Variants in THSD7B observed in about 807,000 individuals in gnomAD.
THSD7B encodes thrombospondin type 1 domain containing 7B, also known as thrombospondin type-1 domain-containing protein 7B.
THSD7B carries 138 observed loss-of-function variants against 213.6 expected under a neutral mutation model. That is an observed-to-expected ratio of 0.65 (90% confidence interval 0.56 to 0.74). The LOEUF (loss-of-function observed/expected upper bound fraction) is 0.74. Ranked by LOEUF, THSD7B falls within the 30% of genes least tolerant of loss-of-function variation. The pLI is 0.00. For missense variants in THSD7B, 1,931 were observed against 1,991.5 expected, an observed-to-expected ratio of 0.97 and a Z score of 0.58; for synonymous variants, 742 against 687.0, an observed-to-expected ratio of 1.08 and a Z score of -1.25.
chr2:136,927,544 CA>C (rs1684560563), intron 2 of THSD7B, among the ~76,000 whole-genome samples: 1 of 152,134 alleles, frequency 6.6e-6, no homozygotes, highest in African/African-American at 2.4e-5. Flanking sequence ...CAATGTTGAA[CA>C]GATAAGGTCA....
At chr2:136,855,175 A>C (rs576626274) in intron 1 of THSD7B, among the ~76,000 whole-genome samples, 1 of 151,986 alleles carries the variant, frequency 6.6e-6, no homozygotes, top group African/African-American at 2.4e-5. Flanking sequence ...TTATGTATGC[A>C]TTTTTTTGAC....
chr2:136,776,772 G>A (rs1414453580), intron 1 of THSD7B, among the ~76,000 whole-genome samples: 3 of 152,182 alleles, frequency 2.0e-5, no homozygotes, highest in African/African-American at 4.8e-5. Context: ...TGAAGACTTA[G>A]GAAGGGGAAC....
At chr2:137,063,526 T>C (rs1452643189) in intron 3 of THSD7B, among the ~76,000 whole-genome samples, 3 of 152,180 alleles carry the variant, frequency 2.0e-5, no homozygotes, top group African/African-American at 7.2e-5. Context: ...CTTTGTGTTA[T>C]AAACAATCCA....
chr2:136,869,358 G>T lies in THSD7B; in HGVS notation c.-35-12786G>T, dbSNP rs532258062. 5.9e-5 allele frequency among the ~76,000 whole-genome samples: 9 copies of T among 152,268 alleles called. No individual in the cohort carries two copies. The East Asian group carries it at 1.7e-3, about 29-fold the overall frequency. The stretch of plus-strand genomic sequence containing the variant: ...TCCCTGTGCAAAACTTAATTTAAAT[G>T]CTATTTAAGAGATAACCTACTGCTG... On this transcript the variant is annotated intron_variant, in intron 1 of 27. Transcript: ENST00000409968.
At chr2:136,866,492 A>T (rs2104977094) in intron 1 of THSD7B, among the ~76,000 whole-genome samples, 1 of 152,236 alleles carries the variant, frequency 6.6e-6, no homozygotes, top group African/African-American at 2.4e-5. Flanking sequence ...AACTTCCTGA[A>T]ATTCACTCTT....
chr2:137,143,005 G>A (rs1042060770), intron 5 of THSD7B, among the ~76,000 whole-genome samples: 1 of 152,004 alleles, frequency 6.6e-6, no homozygotes, highest in Non-Finnish European at 1.5e-5. Flanking sequence ...GTTTTGGGAA[G>A]ATAAAAAGTC....
At chr2:137,296,281 C>T (rs1683461836) in intron 12 of THSD7B, among the ~76,000 whole-genome samples, 1 of 152,130 alleles carries the variant, frequency 6.6e-6, no homozygotes, top group African/African-American at 2.4e-5. Flanking sequence ...TTCAGCTTAA[C>T]TCTTACTGCA....
chr2:137,092,858 G>C (rs904608344), intron 3 of THSD7B, among the ~76,000 whole-genome samples: 2 of 152,118 alleles, frequency 1.3e-5, no homozygotes, highest in African/African-American at 4.8e-5. Flanking sequence ...GGCTGGTCTC[G>C]AACTCCTGAC....
chr2:137,555,945 G>C (rs6430730), intron 15 of THSD7B, among the ~76,000 whole-genome samples: 71,323 of 152,004 alleles, frequency 0.47, 17,156 homozygotes, highest in South Asian at 0.66. Context: ...GGGTATCAGT[G>C]ATTGAAGATC....
chr2:137,041,388 A>T (rs1337233405), intron 2 of THSD7B, among the ~76,000 whole-genome samples: 1 of 152,130 alleles, frequency 6.6e-6, no homozygotes, highest in Non-Finnish European at 1.5e-5. Flanking sequence ...CTATTAAAGT[A>T]TACTAACAAA....
intron 2 of THSD7B, among the ~76,000 whole-genome samples, chr2:137,049,245 G>A (rs990696843): frequency 3.9e-5 from 6 of 152,046 alleles, no homozygotes; most frequent in Admixed American, 1.3e-4. Context: ...CGGGGCCTTC[G>A]GCCCCACACA....
intron 7 of THSD7B, among the ~76,000 whole-genome samples, chr2:137,223,262 C>T (rs181020174): frequency 5.1e-4 from 78 of 152,234 alleles, no homozygotes; most frequent in African/African-American, 1.8e-3. Context: ...CCTAGAAATT[C>T]GCAGTGGCTG....
At chr2:136,868,226 G>A (rs1442834479) in intron 1 of THSD7B, among the ~76,000 whole-genome samples, 2 of 151,964 alleles carry the variant, frequency 1.3e-5, no homozygotes, top group East Asian at 1.9e-4. Flanking sequence ...AATTTATACA[G>A]GGAAAAAAGA....
At chr2:137,390,023 G>T (rs897361052) in intron 12 of THSD7B, among the ~76,000 whole-genome samples, 1 of 152,062 alleles carries the variant, frequency 6.6e-6, no homozygotes, top group Admixed American at 6.6e-5. Flanking sequence ...GATTGGTTCA[G>T]CTAAACTGGC....
In THSD7B at chr2:137,553,806, A is replaced by G. The variant is rs372275599; in HGVS notation, c.3139-9415A>G. ...CCATGCAGCAACACATTTCCATTAT[A>G]AAACTATAATAAGCACCAACTAAAC... is the stretch of plus-strand genomic sequence containing the variant. On this transcript the variant is annotated intron_variant, in intron 15 of 27. Transcript: ENST00000409968. Among the ~76,000 whole-genome samples the G allele has an allele frequency of 4.6e-5, 7 of 152,352 alleles. No individual in the cohort carries two copies. The East Asian group carries it at 5.8e-4, about 13-fold the overall frequency.
intron 15 of THSD7B, among the ~76,000 whole-genome samples, chr2:137,474,034 A>G (rs1019691058): frequency 4.6e-5 from 7 of 152,184 alleles, no homozygotes; most frequent in African/African-American, 1.7e-4. Flanking sequence ...AAAGAAGGCT[A>G]CCTAATCCCT....
At chr2:136,939,450 A>G (rs1165346353) in intron 2 of THSD7B, among the ~76,000 whole-genome samples, 1 of 151,932 alleles carries the variant, frequency 6.6e-6, no homozygotes, top group Non-Finnish European at 1.5e-5. Flanking sequence ...AATTCCATTC[A>G]CTTTTACCTA....
At chr2:137,550,836 T>A (rs1206683649) in intron 15 of THSD7B, among the ~76,000 whole-genome samples, 2 of 151,912 alleles carry the variant, frequency 1.3e-5, no homozygotes, top group South Asian at 2.1e-4. Flanking sequence ...AGGGAAAGGG[T>A]TAAGTGCTTT....
At chr2:137,200,943 A>G (rs1680863390) in intron 7 of THSD7B, among the ~76,000 whole-genome samples, 1 of 152,134 alleles carries the variant, frequency 6.6e-6, no homozygotes, top group African/African-American at 2.4e-5. Context: ...CACTGGGATT[A>G]TAGGTATAGA....
Sources: gnomAD v4.1 joint callset for allele counts (sites outside exome capture counted in the v4.1 genomes callset) on GRCh38, gnomAD v4.1.1 for gene constraint, MANE v1.5 for transcripts, NCBI Gene and HGNC (gene_info 2026-07-23, HGNC 2026-07-21) for gene names.